LOXHD1: variants seen among roughly 807,000 people sequenced by gnomAD.
LOXHD1 encodes lipoxygenase homology domain-containing protein 1.
LOXHD1 carries 205 observed loss-of-function variants against 248.2 expected under a neutral mutation model. That is an observed-to-expected ratio of 0.83 (90% CI 0.74 to 0.93). The LOEUF (loss-of-function observed/expected upper bound fraction) is 0.93. LOXHD1 is among the 40% of genes least tolerant of loss of function. LOXHD1 has a pLI of 0.00. For missense variants in LOXHD1, 2,930 were observed against 2,971.6 expected (o/e 0.99, Z 0.33); for synonymous variants, 1,113 against 1,162.8 (o/e 0.96, Z 0.87).
intron 34 of LOXHD1, among the ~76,000 whole-genome samples, chr18:46,511,794 A>T (rs555187985): frequency 6.6e-6 from 1 of 152,340 alleles, no homozygotes; most frequent in South Asian, 2.1e-4. Flanking sequence ...TCTTAGGGGC[A>T]TAGCTGGGGC....
rs76052558 is a variant in LOXHD1, at chr18:46,611,050, T to G, written c.611-126A>C. The G allele has an allele frequency of 3.1e-3, 3,426 of 1,102,742 alleles. 87 individuals are homozygous for G. The East Asian group carries it at 0.053, about 17-fold the overall frequency. 68.3% of individuals were successfully genotyped at this position (1,102,742 alleles called of 1,614,324 possible). ...ACAAGGGCAACTTCCTCCTGAGATC[T>G]AAGGGCTCCTTACATCCCTCCAGTC... On this transcript the variant is annotated intron_variant, in intron 5 of 40. Coordinates refer to ENST00000642948, the MANE Select transcript of LOXHD1 (RefSeq NM_001384474.1).
At chr18:46,540,368 G>A (rs1007398303) in intron 25 of LOXHD1, among the ~76,000 whole-genome samples, 2 of 152,172 alleles carry the variant, frequency 1.3e-5, no homozygotes, top group African/African-American at 4.8e-5. Flanking sequence ...TCACCTATAG[G>A]TTGAAGGGAA....
At chr18:46,583,089 A>G (rs72913455) in intron 12 of LOXHD1, among the ~76,000 whole-genome samples, 10,335 of 152,342 alleles carry the variant, frequency 0.068, 446 homozygotes, top group Non-Finnish European at 0.1. Flanking sequence ...TCTTCTATCA[A>G]CAAAATACAC....
chr18:46,644,185 G>A (rs2038998670), intron 2 of LOXHD1, among the ~76,000 whole-genome samples: 1 of 152,332 alleles, frequency 6.6e-6, no homozygotes, highest in South Asian at 2.1e-4. Context: ...TTTGGAAGCT[G>A]TTTGGGAATT....
In LOXHD1 at chr18:46,524,915, A is replaced by G. The variant is rs1263029278; in HGVS notation, c.4533T>C (p.Ala1511=). The G allele has an allele frequency of 6.4e-7, 1 of 1,551,658 alleles. No individual in the cohort carries two copies. Residue 1511 remains alanine (A), a splice_region_variant and synonymous_variant, in exon 30 of 41, where the codon GCT becomes GCC. Transcript: ENST00000642948. ...CAGCGGCCTCGATGATGAAGGTGTC[A>G]GCCTGGGGAGCCCAGATGTGGGGAC... ...NRTNKFERGT[A]DTFIIEAADL...
In LOXHD1 at chr18:46,560,934, C is replaced by T. The variant is rs115997874; in HGVS notation, c.2599-389G>A. 7.7e-3 allele frequency among the ~76,000 whole-genome samples: 1,170 copies of T among 152,274 alleles called. 21 individuals are homozygous for T. Among genetic ancestry groups the T allele is most frequent in the African/African-American group, 0.026 (1,073 of 41,550 alleles). On this transcript the variant is annotated intron_variant, in intron 18 of 40. Transcript: ENST00000642948. ...TTCCTTACTTGGCCTGCCTTTATCCCCCTCCTCTACTTGCAGCTAAAATCT... is the reference window on the plus strand; with the variant it reads ...TTCCTTACTTGGCCTGCCTTTATCCTCCTCCTCTACTTGCAGCTAAAATCT...
intron 21 of LOXHD1, among the ~76,000 whole-genome samples, chr18:46,550,579 C>CAAAA (rs754046200): frequency 6.6e-4 from 30 of 45,466 alleles, no homozygotes; most frequent in African/African-American, 1.7e-3. Flanking sequence ...GACTCCGTCT[C>CAAAA]AAAAAAAAAA....
intron 12 of LOXHD1, among the ~76,000 whole-genome samples, chr18:46,589,863 A>G (rs1331852270): frequency 6.6e-5 from 10 of 152,248 alleles, no homozygotes. Flanking sequence ...AGGGAAAATA[A>G]GGTTCTTAGG....
At chr18:46,559,071 C>T (rs540962841) in intron 20 of LOXHD1, 1 of 1,107,398 alleles carries the variant, frequency 9.0e-7, no homozygotes, top group East Asian at 5.6e-5. Context: ...ACACCATACT[C>T]ACCTGCCAAG....
chr18:46,536,464 T>C (rs2036313556), intron 26 of LOXHD1, among the ~76,000 whole-genome samples: 1 of 152,060 alleles, frequency 6.6e-6, no homozygotes, highest in South Asian at 2.1e-4. Flanking sequence ...TTTCATTTGT[T>C]TCCCAGCTCT....
In LOXHD1 at chr18:46,521,365, C is replaced by A. The variant is rs1207410838; in HGVS notation, c.5086-83G>T. 5 of 1,464,826 alleles carry A rather than the reference C, an allele frequency of 3.4e-6. No individual in the cohort carries two copies. The Admixed American group carries it at 7.9e-5, about 23-fold the overall frequency. The allele number at this position is 1,464,826 out of a possible 1,614,324, so 90.7% of individuals were successfully genotyped here. On this transcript the variant is annotated intron_variant, in intron 32 of 40. Transcript: ENST00000642948. ...CCCTGCCCAGCCCCCTCCCTCAGTGCTTCTTCCCAGTATGCTGTGCACTTG... is the reference window on the plus strand; with the variant it reads ...CCCTGCCCAGCCCCCTCCCTCAGTGATTCTTCCCAGTATGCTGTGCACTTG...
rs985078253 is a variant in LOXHD1 at position 46,610,692 on chromosome 18, T to G, written c.759+84A>C. On this transcript the variant is annotated intron_variant, in intron 6 of 40. Transcript: ENST00000642948. ...ATGCAGATGGACCTAGAGAGGAAAG[T>G]TGGGACTGAGATACAACCCTCTGAA... The G allele has an allele frequency of 1.0e-5, 15 of 1,431,346 alleles. No individual in the cohort carries two copies. The African/African-American group carries it at 1.9e-4, about 18-fold the overall frequency. 88.7% of individuals were successfully genotyped at this position (1,431,346 alleles called of 1,614,324 possible). A position where few individuals can be genotyped will look rare whatever the true frequency, so the allele number is the denominator to read the frequency against.
At chr18:46,636,684 T>G (rs956238140) in intron 4 of LOXHD1, among the ~76,000 whole-genome samples, 1 of 152,188 alleles carries the variant, frequency 6.6e-6, no homozygotes, top group Non-Finnish European at 1.5e-5. Flanking sequence ...CTTTACTCTC[T>G]CCTGTTACTG....
chr18:46,611,188 C>A (rs999650045), intron 5 of LOXHD1, among the ~76,000 whole-genome samples: 2 of 152,154 alleles, frequency 1.3e-5, no homozygotes, highest in African/African-American at 4.8e-5. Context: ...GATTTGTACC[C>A]CCATCTCTAG....
At chr18:46,589,627 C>T (rs2038128893) in intron 12 of LOXHD1, among the ~76,000 whole-genome samples, 1 of 152,188 alleles carries the variant, frequency 6.6e-6, no homozygotes, top group South Asian at 2.1e-4. Context: ...GCCTAGGAAT[C>T]TGTATTTCAA....
chr18:46,582,087 GATAGA>G (rs1335266243), intron 12 of LOXHD1, among the ~76,000 whole-genome samples: 2 of 152,092 alleles, frequency 1.3e-5, no homozygotes, highest in African/African-American at 2.4e-5. Context: ...TCACCTGATA[GATAGA>G]ATAAAGAGTA....
At chr18:46,586,338 G>A (rs1365098990) in intron 12 of LOXHD1, among the ~76,000 whole-genome samples, 1 of 152,116 alleles carries the variant, frequency 6.6e-6, no homozygotes, top group Non-Finnish European at 1.5e-5. Context: ...GGTGATGGAT[G>A]CACGATTTTA....
Position 46,593,399 on chromosome 18 carries a change from CA to C in LOXHD1, c.1431+200del, listed in dbSNP as rs555802064. 2.1e-4 allele frequency among the ~76,000 whole-genome samples: 32 copies of C among 152,242 alleles called. No individual in the cohort carries two copies. The East Asian group carries it at 6.2e-3, about 29-fold the overall frequency. On this transcript the variant is annotated intron_variant, in intron 10 of 40. Transcript: ENST00000642948. Reference sequence around the variant, plus strand: ...GACTGTTTGATTCAGATGAATGGGCCAGATAGAAATTGTACCCCATTCAATA... The same window carrying C: ...GACTGTTTGATTCAGATGAATGGGCCGATAGAAATTGTACCCCATTCAATA...
chr18:46,521,949 C>T (rs987290242), intron 32 of LOXHD1, among the ~76,000 whole-genome samples, 152 bp downstream of exon 32: 1 of 152,180 alleles, frequency 6.6e-6, no homozygotes, highest in Non-Finnish European at 1.5e-5. Flanking sequence ...CCCAAAGTCA[C>T]CTGGCTAGTT....
Sources: allele counts gnomAD v4.1 joint callset (sites outside exome capture counted in the v4.1 genomes callset), GRCh38; gene constraint gnomAD v4.1.1; transcripts MANE v1.5; gene names NCBI Gene and HGNC (gene_info 2026-07-23, HGNC 2026-07-21).